Variants in PTPRD observed in about 807,000 individuals in gnomAD.
The protein encoded by PTPRD is protein tyrosine phosphatase receptor type D, also known as receptor-type tyrosine-protein phosphatase delta.
Under a neutral mutation model 214.5 loss-of-function variants are expected in PTPRD, and 34 were observed. That is an observed-to-expected ratio of 0.16 (90% confidence interval 0.12 to 0.21). The LOEUF (loss-of-function observed/expected upper bound fraction) is 0.21, where lower values mean the gene tolerates loss of function less well. Ranked by LOEUF, PTPRD falls within the 10% of genes least tolerant of loss-of-function variation. PTPRD has a pLI of 1.00. For synonymous variants in PTPRD, 1,128 were observed against 845.7 expected (o/e 1.33, Z -5.79); for missense variants, 2,545 against 2,398.7 (o/e 1.06, Z -1.27).
chr9:10,210,827 G>GTATATA (rs58027671), intron 3 of PTPRD, among the ~76,000 whole-genome samples: 2 of 77,448 alleles, frequency 2.6e-5, no homozygotes, highest in Non-Finnish European at 4.8e-5. Flanking sequence ...ATATATGTAT[G>GTATATA]TATGTATGTA....
chr9:10,142,111 A>G (rs1292242184), intron 3 of PTPRD, among the ~76,000 whole-genome samples: 1 of 152,158 alleles, frequency 6.6e-6, no homozygotes, highest in African/African-American at 2.4e-5. Context: ...TACACCTTAT[A>G]CAAAAATCAA....
At chr9:9,351,319 T>C (rs12345412) in intron 9 of PTPRD, among the ~76,000 whole-genome samples, 2,795 of 152,094 alleles carry the variant, frequency 0.018, 82 homozygotes, top group African/African-American at 0.063. Context: ...GCACCTGAAT[T>C]CCTGGGTATG....
chr9:10,465,679 A>AGCACAATTCC (rs1481132816), intron 2 of PTPRD, among the ~76,000 whole-genome samples: 1 of 152,194 alleles, frequency 6.6e-6, no homozygotes, highest in Non-Finnish European at 1.5e-5. Flanking sequence ...TCCCTACAGT[A>AGCACAATTCC]CTCAGTACAG....
Position 10,318,763 on chromosome 9 carries a change from C to T in PTPRD, c.-545+22200G>A, listed in dbSNP as rs146603693. Among the ~76,000 whole-genome samples the T allele has an allele frequency of 3.4e-3, 519 of 152,116 alleles. 2 individuals carry two copies. Among genetic ancestry groups the T allele is most frequent in the African/African-American group, 0.012 (491 of 41,518 alleles). ...AGTAGTTGGGGCTAGGGGTGGTTGC[C>T]ACCACATCCAGCCATATTTGTCTTT... On this transcript the variant is annotated intron_variant, in intron 3 of 45. Transcript: ENST00000381196.
intron 42 of PTPRD, 51 bp downstream of exon 42, chr9:8,340,292 C>A (rs1373869162): frequency 6.6e-7 from 1 of 1,508,314 alleles, no homozygotes; most frequent in East Asian, 2.3e-5. Context: ...GTCTTCATTT[C>A]TCCACAGAGT....
intron 2 of PTPRD, among the ~76,000 whole-genome samples, chr9:10,396,753 T>C (rs1213766871): frequency 6.6e-6 from 1 of 152,012 alleles, no homozygotes; most frequent in Non-Finnish European, 1.5e-5. Flanking sequence ...TTGCCTGTAA[T>C]GCAATACTGA....
At position 9,005,569 on chromosome 9, in the gene PTPRD, G is replaced by C. The variant is rs926282711; in HGVS notation, c.-104+13128C>G. On this transcript the variant is annotated intron_variant, in intron 11 of 45. Transcript: ENST00000381196. ...AAGGGGCCTGCAATTACACTCTTCT[G>C]ATCCTTTTGGTTAAAAGGCATTCTA... is the stretch of plus-strand genomic sequence containing the variant. Among the ~76,000 whole-genome samples the C allele has an allele frequency of 7.2e-5, 11 of 151,990 alleles. 1 individual carries two copies. The highest frequency in any genetic ancestry group is 1.5e-5 in the Non-Finnish European group (1 of 67,972).
At chr9:9,435,443 G>C (rs535825845) in intron 8 of PTPRD, among the ~76,000 whole-genome samples, 2 of 151,822 alleles carry the variant, frequency 1.3e-5, no homozygotes, top group African/African-American at 4.8e-5. Context: ...CCCAGGAGTT[G>C]GAAGCTGCAG....
At chr9:10,149,857 A>G (rs576442515) in intron 3 of PTPRD, among the ~76,000 whole-genome samples, 1 of 151,086 alleles carries the variant, frequency 6.6e-6, no homozygotes, top group South Asian at 2.1e-4. Flanking sequence ...CAGCCTCCCC[A>G]GTAGCTGGGA....
rs144648336 is a variant in PTPRD at position 8,553,515 on chromosome 9, A to T, written c.353-24736T>A. On this transcript the variant is annotated intron_variant, in intron 14 of 45. Transcript: ENST00000381196. ...TTTATTTATCAGTCGTTTACTGGAC[A>T]CTTACCCTATGCAATCAACTACACT... Among the ~76,000 whole-genome samples the T allele has an allele frequency of 2.2e-3, 331 of 152,318 alleles. 3 individuals carry two copies. Among genetic ancestry groups the T allele is most frequent in the African/African-American group, 7.7e-3 (321 of 41,568 alleles).
Position 9,766,791 on chromosome 9 carries a change from A to G in PTPRD, c.-326+19T>C, listed in dbSNP as rs13291105. ...TTCATTTATGGAGAAATTTTAAAATATATTTTAAATATACTCACCTTTGTC... is the reference window on the plus strand; with the variant it reads ...TTCATTTATGGAGAAATTTTAAAATGTATTTTAAATATACTCACCTTTGTC... On this transcript the variant is annotated intron_variant, in intron 6 of 45. Transcript: ENST00000381196. 12,959 of 152,596 alleles carry G rather than the reference A, an allele frequency of 0.085. 769 individuals carry two copies. Among genetic ancestry groups the G allele is most frequent in the South Asian group, 0.15 (736 of 4,832 alleles). 9.5% of individuals were successfully genotyped at this position (152,596 alleles called of 1,614,324 possible).
At chr9:10,490,406 G>T (rs2039810541) in intron 2 of PTPRD, among the ~76,000 whole-genome samples, 1 of 152,084 alleles carries the variant, frequency 6.6e-6, no homozygotes, top group East Asian at 1.9e-4. Flanking sequence ...AATAATTATT[G>T]CCATCATCCT....
At chr9:8,819,890 TCTC>T (rs1402946820) in intron 11 of PTPRD, among the ~76,000 whole-genome samples, 1 of 152,086 alleles carries the variant, frequency 6.6e-6, no homozygotes, top group Non-Finnish European at 1.5e-5. Context: ...TGTGTCTTGT[TCTC>T]CTTGTCCACA....
intron 3 of PTPRD, among the ~76,000 whole-genome samples, chr9:10,269,375 T>C (rs1333770033): frequency 6.6e-6 from 1 of 152,022 alleles, no homozygotes; most frequent in East Asian, 1.9e-4. Flanking sequence ...AGTAATATTT[T>C]TGTTTGTTTG....
chr9:8,534,277 T>A (rs1484130433), intron 14 of PTPRD, among the ~76,000 whole-genome samples: 1 of 151,880 alleles, frequency 6.6e-6, no homozygotes, highest in Non-Finnish European at 1.5e-5. Flanking sequence ...ACAATGACAC[T>A]GCAAAGAACA....
chr9:9,663,709 T>C (rs1017570730), intron 7 of PTPRD, among the ~76,000 whole-genome samples: 1 of 151,608 alleles, frequency 6.6e-6, no homozygotes, highest in East Asian at 1.9e-4. Flanking sequence ...CTTTCACTTA[T>C]TTATTGGCAA....
At chr9:9,282,811 A>C (rs1011141019) in intron 9 of PTPRD, among the ~76,000 whole-genome samples, 1 of 151,462 alleles carries the variant, frequency 6.6e-6, no homozygotes, top group Non-Finnish European at 1.5e-5. Context: ...GCCCTAATAA[A>C]CTGTTCAAGA....
intron 7 of PTPRD, among the ~76,000 whole-genome samples, chr9:9,662,954 G>T (rs1594612527): frequency 6.6e-6 from 1 of 151,474 alleles, no homozygotes; most frequent in Non-Finnish European, 1.5e-5. Flanking sequence ...TTTAATGGAG[G>T]CATCAGTTGG....
intron 9 of PTPRD, among the ~76,000 whole-genome samples, chr9:9,250,212 A>G (rs1477281467): frequency 1.3e-5 from 2 of 152,054 alleles, no homozygotes. Context: ...CCTGAGCATG[A>G]GCATGTGTAG....
Sources: gnomAD v4.1 joint callset for allele counts (sites outside exome capture counted in the v4.1 genomes callset) on GRCh38, gnomAD v4.1.1 for gene constraint, MANE v1.5 for transcripts, NCBI Gene and HGNC (gene_info 2026-07-23, HGNC 2026-07-21) for gene names.